Variants in TCHP observed in about 807,000 individuals in gnomAD.
TCHP encodes trichoplein keratin filament binding.
TCHP carries 81 observed loss-of-function variants against 88.7 expected under a neutral mutation model. That is an observed-to-expected ratio of 0.91 (90% CI 0.76 to 1.10). The LOEUF (loss-of-function observed/expected upper bound fraction) is 1.10. Ranked by LOEUF, TCHP falls within the 50% of genes least tolerant of loss-of-function variation. The probability of loss-of-function intolerance (pLI) is 0.00; values close to 1 mark genes in which losing one functional copy is unlikely to be tolerated. For missense variants in TCHP, 641 were observed against 632.1 expected (o/e 1.01, Z -0.15); for synonymous variants, 232 against 232.5 (o/e 1.00, Z 0.02).
Position 109,915,539 on chromosome 12 carries a change from G to C in TCHP, c.1457G>C (p.Arg486Pro). ...EAETMAEQGY[R>P]PKPYGHPKIA... ...GAGACTATGGCTGAGCAGGGCTACCGGCCTAAGGTAGGAAGTCTGCCAGGA... is the reference window on the plus strand; with the variant it reads ...GAGACTATGGCTGAGCAGGGCTACCCGCCTAAGGTAGGAAGTCTGCCAGGA... The change falls in exon 12 of 13, where the codon CGG becomes CCG. Residue 486 changes from arginine (R) to proline (P), a missense_variant. Transcript: ENST00000405876. The C allele has an allele frequency of 6.2e-7, 1 of 1,612,300 alleles. No homozygotes were observed.
intron 8 of TCHP, among the ~76,000 whole-genome samples, chr12:109,909,171 C>A (rs1870339075): frequency 6.6e-6 from 1 of 152,136 alleles, no homozygotes; most frequent in Non-Finnish European, 1.5e-5. Context: ...CTAAGAGAGC[C>A]AATCTTAAGT....
chr12:109,910,160 T>C (rs117059594), intron 8 of TCHP, among the ~76,000 whole-genome samples: 10 of 152,226 alleles, frequency 6.6e-5, no homozygotes, highest in Non-Finnish European at 1.3e-4. Flanking sequence ...AAAAGGTCAT[T>C]ATGCTTAGAT....
the TCHP span, among the ~76,000 whole-genome samples, chr12:109,885,071 C>T: frequency 6.6e-6 from 1 of 152,158 alleles, no homozygotes; most frequent in Non-Finnish European, 1.5e-5. Context: ...TGGATTCAAG[C>T]GATTCTCCTG....
intron 11 of TCHP, chr12:109,914,886 A>C: frequency 2.2e-6 from 1 of 451,974 alleles, no homozygotes; most frequent in East Asian, 4.4e-5. Flanking sequence ...CAGTTGGCTT[A>C]CCGGGGGCCA....
Position 109,905,133 on chromosome 12 carries a change from G to A in TCHP, c.456+340G>A, listed in dbSNP as rs1343096454. On this transcript the variant is annotated intron_variant, in intron 4 of 12. Transcript: ENST00000405876. This position sits in a 1 kb window ranked among gnomAD's most constrained non-coding sequence, Gnocchi z 4.0. ...CCTGAGAGGATGAGCATGGGCCAGC[G>A]CACTCAACTCTGGAGGGGTTGGGGA... 5 of 306,990 alleles carry A rather than the reference G, an allele frequency of 1.6e-5. No individual in the cohort carries two copies. Among genetic ancestry groups the A allele is most frequent in the East Asian group, 7.8e-5 (1 of 12,902 alleles). 19.0% of individuals were successfully genotyped at this position (306,990 alleles called of 1,614,324 possible). A position where few individuals can be genotyped will look rare whatever the true frequency, so the allele number is the denominator to read the frequency against.
rs375710026 is a variant in TCHP at position 109,914,602 on chromosome 12, C to T, written c.1295C>T (p.Ala432Val). ...GAGGAGAGTGAAAAGCTGAAATCGG[C>T]CAGGAAGCAGGAGCTGGAAGCCCAG... ...EKEESEKLKS[A>V]RKQELEAQVA... Residue 432 changes from alanine (A) to valine (V), a missense_variant, in exon 11 of 13, where the codon GCC becomes GTC. Ala to Val is a moderately conservative substitution (Grantham distance 64). Transcript: ENST00000405876. The T allele has an allele frequency of 3.4e-5, 55 of 1,611,982 alleles. No individual in the cohort carries two copies. The highest frequency in any genetic ancestry group is 5.3e-5 in the African/African-American group (4 of 74,882).
upstream of TCHP, among the ~76,000 whole-genome samples, chr12:109,897,550 TTTTC>T (rs543360156): frequency 5.4e-4 from 82 of 151,046 alleles, no homozygotes; most frequent in Admixed American, 1.6e-3. Flanking sequence ...TTTTCTTTTC[TTTTC>T]TTTCTTTCTT....
intron 4 of TCHP, 128 bp downstream of exon 4, chr12:109,904,921 A>G (rs1013978297): frequency 1.3e-6 from 1 of 767,680 alleles, no homozygotes. Flanking sequence ...ACCTGAAAAG[A>G]GCGCCAGGCA....
intron 12 of TCHP, 77 bp from the exon 13 acceptor site, chr12:109,916,513 GT>G (rs2136085071): frequency 1.4e-6 from 2 of 1,416,492 alleles, no homozygotes; most frequent in Non-Finnish European, 1.9e-6. Context: ...CTTTTAGCTT[GT>G]AGTTAAAACA....
the TCHP span, among the ~76,000 whole-genome samples, chr12:109,894,765 CAAAA>C: frequency 5.4e-5 from 4 of 74,168 alleles, no homozygotes; most frequent in Non-Finnish European, 5.5e-5. Context: ...AACTCTGTCC[CAAAA>C]AAAAAAAAAA....
chr12:109,916,717 GC>G lies in TCHP; in HGVS notation c.*97del. On this transcript the variant is annotated 3_prime_UTR_variant, in exon 13 of 13. Transcript: ENST00000405876. ...TTACAGGGCTCTGTTAACAGTAAGTGCCCGGGGCACTGTCAGATGGCTCAGC... is the reference window on the plus strand; with the variant it reads ...TTACAGGGCTCTGTTAACAGTAAGTGCCGGGGCACTGTCAGATGGCTCAGC... 1 of 1,258,354 alleles carries G rather than the reference GC, an allele frequency of 7.9e-7. No individual in the cohort carries two copies. 77.9% of individuals were successfully genotyped at this position (1,258,354 alleles called of 1,614,324 possible). A position where few individuals can be genotyped will look rare whatever the true frequency, so the allele number is the denominator to read the frequency against.
intron 1 of TCHP, among the ~76,000 whole-genome samples, chr12:109,902,547 CA>C (rs1274335427): frequency 6.6e-6 from 1 of 152,112 alleles, no homozygotes; most frequent in Non-Finnish European, 1.5e-5. Flanking sequence ...AATCTTGGTT[CA>C]CTGCAACCTC....
At position 109,914,590 on chromosome 12, in the gene TCHP, A is replaced by G; in HGVS notation, c.1283A>G (p.Lys428Arg). Residue 428 changes from lysine (K) to arginine (R), a missense_variant, in exon 11 of 13, where the codon AAG (lysine) becomes AGG (arginine). Lys to Arg is a conservative substitution (Grantham distance 26, BLOSUM62 2). Transcript: ENST00000405876. ...LARREKEESE[K>R]LKSARKQELE... The stretch of plus-strand genomic sequence containing the variant: ...CGTCGCGAGAAAGAGGAGAGTGAAA[A>G]GCTGAAATCGGCCAGGAAGCAGGAG... The G allele has an allele frequency of 6.2e-7, 1 of 1,613,022 alleles. No homozygotes were observed. The highest frequency in any genetic ancestry group is 8.5e-7 in the Non-Finnish European group (1 of 1,179,960).
At chr12:109,916,466 T>C (rs1870821316) in intron 12 of TCHP, 125 bp from the exon 13 acceptor site, 3 of 1,085,070 alleles carry the variant, frequency 2.8e-6, no homozygotes, top group Non-Finnish European at 3.9e-6. Flanking sequence ...AGGGTCAGAT[T>C]TTTTCAGCTG....
chr12:109,915,384 CTT>C lies in TCHP; in HGVS notation c.1321-17_1321-16del. 1.2e-6 allele frequency: 2 copies of C among 1,614,082 alleles called. No homozygotes were observed. Among genetic ancestry groups the C allele is most frequent in the Non-Finnish European group, 1.7e-6 (2 of 1,180,040 alleles). ...TGTGGGCCTTGTCTTGGGGTGGTGA[CTT>C]TGCTCTTGGCACTCAGGTTGCAGAG... On this transcript the variant is annotated splice_polypyrimidine_tract_variant and intron_variant, in intron 11 of 12. Transcript: ENST00000405876.
At chr12:109,886,397 CAAAGTG>C in the TCHP span, among the ~76,000 whole-genome samples, 2 of 152,130 alleles carry the variant, frequency 1.3e-5, no homozygotes, top group Non-Finnish European at 2.9e-5. Context: ...CTCAGCCTCC[CAAAGTG>C]CTGGGATTAC....
At chr12:109,884,488 G>A in the TCHP span, among the ~76,000 whole-genome samples, 14 of 152,116 alleles carry the variant, frequency 9.2e-5, no homozygotes, top group East Asian at 1.9e-3. Context: ...GCACCCGGCC[G>A]AATCCATCTC....
In TCHP at chr12:109,916,597, G is replaced by A. The variant is rs776011639; in HGVS notation, c.1471G>A (p.Gly491Arg). 4 of 1,613,222 alleles carry A rather than the reference G, an allele frequency of 2.5e-6. No homozygotes were observed. Among genetic ancestry groups the A allele is most frequent in the Admixed American group, 1.7e-5 (1 of 59,884 alleles). ...GTTTTCTTTCTTTTCTCAGCCTTAC[G>A]GACATCCAAAAATTGCTTGGAACTG... Reference protein sequence around the residue: ...AEQGYRPKPYGHPKIAWN With the variant: ...AEQGYRPKPYRHPKIAWN The change falls in exon 13 of 13, where the codon GGA (glycine) becomes AGA (arginine). Residue 491 changes from glycine (G) to arginine (R), a missense_variant. Transcript: ENST00000405876.
chr12:109,907,398 G>A (rs1189579831), intron 5 of TCHP, 128 bp from the exon 6 acceptor site: 3 of 915,216 alleles, frequency 3.3e-6, no homozygotes, highest in Non-Finnish European at 3.4e-6. Flanking sequence ...TGGCGTCTGA[G>A]GGCGTTGTCA....
Sources: gnomAD v4.1 joint callset for allele counts (sites outside exome capture counted in the v4.1 genomes callset) on GRCh38, gnomAD v4.1.1 for gene constraint, Gnocchi (gnomAD v3.1) non-coding constraint, MANE v1.5 for transcripts, NCBI Gene and HGNC (gene_info 2026-07-23, HGNC 2026-07-21) for gene names.